RALYL: variants seen among roughly 807,000 people sequenced by gnomAD.
RALYL encodes the protein RALY RNA binding protein like, also known as RNA-binding Raly-like protein.
In RALYL, 29 loss-of-function variants were observed where a neutral mutation model predicts 35.1. The observed-to-expected ratio is 0.83, with a 90% CI of 0.61 to 1.13. The LOEUF is 1.13. Among genes scored for constraint, RALYL ranks in the 50% most tolerant of loss-of-function variants. The pLI is 0.00. For missense variants in RALYL, 359 were observed against 360.4 expected, an observed-to-expected ratio of 1.00 and a Z score of 0.03; for synonymous variants, 120 against 127.6, an observed-to-expected ratio of 0.94 and a Z score of 0.40.
intron 1 of RALYL, among the ~76,000 whole-genome samples, chr8:84,372,888 T>TTTTTTTTTTTTGTTTTTTTTTG (rs1563808974): frequency 9.3e-6 from 1 of 107,580 alleles, no homozygotes; most frequent in Non-Finnish European, 1.8e-5. Flanking sequence ...CAGCATCTGT[T>TTTTTTTTTTTTGTTTTTTTTTG]TTTTTTTTTT....
At chr8:84,448,914 G>A (rs1435867890) in intron 1 of RALYL, among the ~76,000 whole-genome samples, 5 of 151,832 alleles carry the variant, frequency 3.3e-5, no homozygotes, top group African/African-American at 1.2e-4. Context: ...ACAAAACAAA[G>A]CAAAAAACCG....
intron 1 of RALYL, among the ~76,000 whole-genome samples, chr8:84,422,084 C>T (rs1165854858): frequency 6.6e-6 from 1 of 151,006 alleles, no homozygotes. Flanking sequence ...GGGAGGATTC[C>T]CTCTTTTTCT....
intron 1 of RALYL, among the ~76,000 whole-genome samples, chr8:84,432,573 A>G (rs528056310): frequency 1.3e-5 from 2 of 152,216 alleles, no homozygotes; most frequent in South Asian, 4.1e-4. Flanking sequence ...CCAGAATGAT[A>G]TGTTGCAGCA....
At chr8:84,826,927 A>G (rs542133867) in intron 4 of RALYL, among the ~76,000 whole-genome samples, 12 of 152,140 alleles carry the variant, frequency 7.9e-5, no homozygotes, top group Non-Finnish European at 1.5e-4. Context: ...TTTCCACAGA[A>G]ATAGGGGAAA....
chr8:84,595,123 T>C (rs146720339), intron 2 of RALYL, among the ~76,000 whole-genome samples: 89 of 152,196 alleles, frequency 5.8e-4, no homozygotes, highest in African/African-American at 1.8e-3. Context: ...TAGAACATAA[T>C]ATATGCTGGT....
intron 7 of RALYL, among the ~76,000 whole-genome samples, chr8:84,885,976 C>T (rs1842865451): frequency 6.6e-6 from 1 of 152,146 alleles, no homozygotes; most frequent in African/African-American, 2.4e-5. Context: ...GAAAGAATGA[C>T]TTAATGTGCT....
rs535486253 is a variant in RALYL at position 84,721,580 on chromosome 8, T to C, written c.257-52999T>C. Among the ~76,000 whole-genome samples, 5 of 152,326 alleles carry C rather than the reference T, an allele frequency of 3.3e-5. No homozygotes were observed. In the South Asian group the frequency reaches 1.0e-3, roughly 32 times the overall value. ...ATCAAGGGTTGTCTCTGCTGCTAAG[T>C]GTCTTTATTCCTTAAATCAATTTTG... On this transcript the variant is annotated intron_variant, in intron 2 of 8. Coordinates refer to ENST00000521268, the MANE Select transcript of RALYL (RefSeq NM_173848.7).
At chr8:84,816,014 CAGAG>C (rs1181289356) in intron 4 of RALYL, among the ~76,000 whole-genome samples, 1 of 105,692 alleles carries the variant, frequency 9.5e-6, no homozygotes, top group African/African-American at 3.8e-5. Flanking sequence ...AGCCTGGCAA[CAGAG>C]AGAGACTCTG....
intron 8 of RALYL, among the ~76,000 whole-genome samples, chr8:84,911,765 C>T (rs1192535812): frequency 6.6e-6 from 1 of 152,134 alleles, no homozygotes; most frequent in African/African-American, 2.4e-5. Flanking sequence ...CATGTACCCC[C>T]TCCTTGTGTT....
intron 1 of RALYL, among the ~76,000 whole-genome samples, chr8:84,243,934 T>C (rs1204181324): frequency 1.3e-5 from 2 of 152,164 alleles, no homozygotes; most frequent in African/African-American, 4.8e-5. Context: ...ACTTAGTCAG[T>C]TGCTATTATT....
At chr8:84,379,929 C>A (rs1430149433) in intron 1 of RALYL, among the ~76,000 whole-genome samples, 2 of 150,828 alleles carry the variant, frequency 1.3e-5, no homozygotes, top group East Asian at 3.9e-4. Flanking sequence ...AATACTGTTT[C>A]ATTAAACATC....
chr8:84,282,904 G>T (rs1836884749), intron 1 of RALYL, among the ~76,000 whole-genome samples: 1 of 151,918 alleles, frequency 6.6e-6, no homozygotes, highest in Admixed American at 6.6e-5. Flanking sequence ...GTTCAACTAA[G>T]TGGATTGTCT....
At position 84,192,905 on chromosome 8, in the gene RALYL, GT is replaced by G. The variant is rs140428960; in HGVS notation, c.-24+8482del. ...GGAGGGAGTGTGTGTGTGTGTGTGT[GT>G]GGGGGGGGGGGTTGTGTACGTGTAT... On this transcript the variant is annotated intron_variant, in intron 1 of 8. Transcript: ENST00000521268. Among the ~76,000 whole-genome samples the G allele has an allele frequency of 8.2e-3, 960 of 116,940 alleles. 2 individuals are homozygous for G. The highest frequency in any genetic ancestry group is 0.01 in the Non-Finnish European group (589 of 56,318). 76.7% of individuals were successfully genotyped at this position (116,940 alleles called of 152,430 possible).
intron 3 of RALYL, among the ~76,000 whole-genome samples, chr8:84,800,788 G>C (rs576448252): frequency 2.6e-5 from 4 of 152,160 alleles, no homozygotes; most frequent in Non-Finnish European, 5.9e-5. Context: ...CCTCCTAGCA[G>C]TTTCCTTCTT....
intron 1 of RALYL, among the ~76,000 whole-genome samples, chr8:84,491,371 A>C (rs912455151): frequency 6.6e-6 from 1 of 152,012 alleles, no homozygotes; most frequent in Non-Finnish European, 1.5e-5. Context: ...GAAACAGATA[A>C]CCAGAATTAA....
At chr8:84,451,545 A>G (rs2049473859) in intron 1 of RALYL, among the ~76,000 whole-genome samples, 1 of 152,008 alleles carries the variant, frequency 6.6e-6, no homozygotes, top group Non-Finnish European at 1.5e-5. Context: ...AATTGATTTT[A>G]AAATATCCCT....
intron 1 of RALYL, among the ~76,000 whole-genome samples, chr8:84,236,459 T>A (rs144593562): frequency 0.016 from 2,414 of 152,270 alleles, 30 homozygotes; most frequent in South Asian, 0.028. Flanking sequence ...TTATTGCCAT[T>A]CAGTGGTGCT....
chr8:84,677,626 G>A (rs944829869), intron 2 of RALYL, among the ~76,000 whole-genome samples: 7 of 152,092 alleles, frequency 4.6e-5, no homozygotes, highest in Non-Finnish European at 1.0e-4. Context: ...AATAAAGATT[G>A]CTTCTAAATA....
chr8:84,417,531 CT>C (rs76609893), intron 1 of RALYL, among the ~76,000 whole-genome samples: 167 of 146,286 alleles, frequency 1.1e-3, no homozygotes, highest in African/African-American at 2.8e-3. Flanking sequence ...GCCCTATAGT[CT>C]TTTTTTTTTT....
Sources: allele counts gnomAD v4.1 joint callset (sites outside exome capture counted in the v4.1 genomes callset), GRCh38; gene constraint gnomAD v4.1.1; transcripts MANE v1.5; gene names NCBI Gene and HGNC (gene_info 2026-07-23, HGNC 2026-07-21).